ULBP1: variants seen among roughly 807,000 people sequenced by gnomAD.
The protein encoded by ULBP1 is UL16-binding protein 1.
Under a neutral mutation model 25.3 loss-of-function variants are expected in ULBP1, and 28 were observed. The observed-to-expected ratio is 1.10, with a 90% CI of 0.82 to 1.51. The LOEUF (loss-of-function observed/expected upper bound fraction) is 1.51, where lower values mean the gene tolerates loss of function less well. Among genes scored for constraint, ULBP1 ranks in the 40% most tolerant of loss-of-function variants. The pLI, the probability that ULBP1 is intolerant of heterozygous loss-of-function variation, is 0.00. For missense variants in ULBP1, 348 were observed against 290.9 expected (o/e 1.20, Z -1.43); for synonymous variants, 129 against 103.0 (o/e 1.25, Z -1.53).
chr6:149,966,212 TA>T (rs1779202780), intron 1 of ULBP1, among the ~76,000 whole-genome samples: 1 of 152,180 alleles, frequency 6.6e-6, no homozygotes, highest in Non-Finnish European at 1.5e-5. Context: ...TGTCCCTTTG[TA>T]GAGCAACAGC....
rs183961036 is a variant in ULBP1 at position 149,964,791 on chromosome 6, G to C, written c.85+657G>C. 2.2e-3 allele frequency among the ~76,000 whole-genome samples: 282 copies of C among 128,390 alleles called. 3 individuals carry two copies. Among genetic ancestry groups the C allele is most frequent in the Non-Finnish European group, 3.1e-3 (196 of 63,014 alleles). 84.2% of individuals were successfully genotyped at this position (128,390 alleles called of 152,430 possible). A position where few individuals can be genotyped will look rare whatever the true frequency, so the allele number is the denominator to read the frequency against. On this transcript the variant is annotated intron_variant, in intron 1 of 4. Coordinates refer to ENST00000229708, the MANE Select transcript of ULBP1 (RefSeq NM_025218.4). ...GAACATCGCGTTCTACCCCAACATC[G>C]CGATCCCTCCGAACATCGTGATCCC...
chr6:149,970,045 C>A lies in ULBP1; in HGVS notation c.655C>A (p.Gln219Lys), dbSNP rs530252244. ...KPPSLAPGTT[Q>K]PKAMATTLSP... ...ACCCTCTCTGGCCCCAGGCACAACC[C>A]AACCCAAGGCCATGGCCACCACCCT... The change falls in exon 4 of 5, where the codon CAA becomes AAA. Residue 219 changes from glutamine (Q) to lysine (K), a missense_variant. Physicochemically the swap from Gln to Lys is moderately conservative, Grantham distance 53. Transcript: ENST00000229708. The A allele has an allele frequency of 1.2e-6, 2 of 1,613,508 alleles. No individual in the cohort carries two copies. Among genetic ancestry groups the A allele is most frequent in the Admixed American group, 3.3e-5 (2 of 59,930 alleles).
At chr6:149,967,100 T>C (rs1401841027) in intron 1 of ULBP1, among the ~76,000 whole-genome samples, 1 of 152,198 alleles carries the variant, frequency 6.6e-6, no homozygotes, top group Non-Finnish European at 1.5e-5. Flanking sequence ...ACAAACACTA[T>C]CCATTCCCGG....
chr6:149,965,141 C>T (rs1224149709), intron 1 of ULBP1, among the ~76,000 whole-genome samples: 3 of 145,188 alleles, frequency 2.1e-5, no homozygotes, highest in Non-Finnish European at 4.4e-5. Flanking sequence ...GCGGTCTCCC[C>T]GAACATCGCG....
rs919272087 is a variant in ULBP1, at chr6:149,968,975, G to A, written c.349+105G>A. On this transcript the variant is annotated intron_variant, in intron 2 of 4. Coordinates refer to ENST00000229708, the MANE Select transcript of ULBP1 (RefSeq NM_025218.4). ...AAGTTTGTGTCACCCAAGAGGTTGA[G>A]GAGCATGGGCCGGATGCAGCAGAGA... 4 of 1,555,614 alleles carry A rather than the reference G, an allele frequency of 2.6e-6. No individual in the cohort carries two copies. In the African/African-American group the frequency reaches 5.5e-5, roughly 21 times the overall value.
chr6:149,964,153 C>G lies in ULBP1; in HGVS notation c.85+19C>G. 6.2e-7 allele frequency: 1 copy of G among 1,613,970 alleles called. No individual in the cohort carries two copies. Among genetic ancestry groups the G allele is most frequent in the Non-Finnish European group, 8.5e-7 (1 of 1,179,864 alleles). On this transcript the variant is annotated intron_variant, in intron 1 of 4. Transcript: ENST00000229708. Reference sequence around the variant, plus strand: ...TGGGTCGGTGAGTTCGGGGATGTAGCCTAAGCAGGGCGGGGGCCAAACCTG... The same window carrying G: ...TGGGTCGGTGAGTTCGGGGATGTAGGCTAAGCAGGGCGGGGGCCAAACCTG...
At position 149,969,432 on chromosome 6, in the gene ULBP1, CGTGT is replaced by C. The variant is rs148314777; in HGVS notation, c.625+83_625+86del. ...ATCAGCTGGTGTATGTGTGTGAGTG[CGTGT>C]GTGTGTGTGTTTGAGTGAGTATGAA... On this transcript the variant is annotated intron_variant, in intron 3 of 4. Coordinates refer to ENST00000229708, the MANE Select transcript of ULBP1 (RefSeq NM_025218.4). 3.9e-6 allele frequency: 6 copies of C among 1,549,662 alleles called. No homozygotes were observed. In the African/African-American group the frequency reaches 6.8e-5, roughly 18 times the overall value.
chr6:149,968,728 CA>C lies in ULBP1; in HGVS notation c.209del (p.Lys70ArgfsTer25). On this transcript the variant is annotated frameshift_variant, in exon 2 of 5. Coordinates refer to ENST00000229708, the MANE Select transcript of ULBP1 (RefSeq NM_025218.4). LOFTEE classifies it high-confidence loss of function. Reference sequence around the variant, plus strand: ...TTCTTCACTATGACTGTGTTAACCACAAGGCCAAAGCCTTTGCTTCTCTGGG... The same window carrying C: ...TTCTTCACTATGACTGTGTTAACCACAGGCCAAAGCCTTTGCTTCTCTGGG... The part of the protein sequence containing the change: ...PFLHYDCVNH[K>X]AKAFASLGKK... The C allele has an allele frequency of 6.2e-7, 1 of 1,614,248 alleles. No homozygotes were observed. The highest frequency in any genetic ancestry group is 8.5e-7 in the Non-Finnish European group (1 of 1,180,048).
intron 3 of ULBP1, 66 bp from the exon 4 acceptor site, chr6:149,969,950 C>T: frequency 6.5e-7 from 1 of 1,543,476 alleles, no homozygotes; most frequent in Non-Finnish European, 8.8e-7. Flanking sequence ...GTGGCAGGAG[C>T]TGAGGAGACA....
intron 1 of ULBP1, among the ~76,000 whole-genome samples, chr6:149,966,894 C>G (rs992848970): frequency 5.9e-5 from 9 of 152,176 alleles, no homozygotes; most frequent in Admixed American, 5.2e-4. Context: ...GCCATGAAAT[C>G]CACATAGCAC....
chr6:149,968,555 A>G, intron 1 of ULBP1, 52 bp from the exon 2 acceptor site: 1 of 1,566,366 alleles, frequency 6.4e-7, no homozygotes, highest in Non-Finnish European at 8.7e-7. Flanking sequence ...AGGAGGGGAT[A>G]CAGGTTCCAT....
intron 4 of ULBP1, among the ~76,000 whole-genome samples, chr6:149,970,859 G>A (rs536331427): frequency 2.6e-5 from 4 of 152,372 alleles, no homozygotes; most frequent in African/African-American, 9.6e-5. Context: ...CAGGGGAGCT[G>A]AGCTGCTGCT....
At position 149,970,119 on chromosome 6, in the gene ULBP1, C is replaced by G; in HGVS notation, c.729C>G (p.Gly243=). Residue 243 remains glycine (G), a synonymous_variant, in exon 4 of 5, where the codon GGC becomes GGG. Transcript: ENST00000229708. ...LIIFLCFILA[G]R ...TCTTCCTCTGCTTCATTCTAGCTGGCAGATGAGGAGAGTTGTTTAGAGTGA... is the reference window on the plus strand; with the variant it reads ...TCTTCCTCTGCTTCATTCTAGCTGGGAGATGAGGAGAGTTGTTTAGAGTGA... 6.2e-7 allele frequency: 1 copy of G among 1,606,688 alleles called. No homozygotes were observed. The highest frequency in any genetic ancestry group is 8.5e-7 in the Non-Finnish European group (1 of 1,176,474).
Position 149,970,022 on chromosome 6 carries a change from C to G in ULBP1, c.632C>G (p.Pro211Arg). 1 of 1,611,932 alleles carries G rather than the reference C, an allele frequency of 6.2e-7. No individual in the cohort carries two copies. The highest frequency in any genetic ancestry group is 1.1e-5 in the South Asian group (1 of 90,440). The change falls in exon 4 of 5, where the codon CCC (proline) becomes CGC (arginine). Residue 211 changes from proline to arginine, a missense_variant. Coordinates refer to ENST00000229708, the MANE Select transcript of ULBP1 (RefSeq NM_025218.4). ...WEQMLDPTKP[P>R]SLAPGTTQPK... ...TCCTGTGTTTCCATTTCAGAACCAC[C>G]CTCTCTGGCCCCAGGCACAACCCAA...
chr6:149,969,943 G>A lies in ULBP1; in HGVS notation c.626-73G>A. ...CTGCCTTCCAGGATGACCTGGGGTGGCAGGAGCTGAGGAGACATCCCCTAA... is the reference window on the plus strand; with the variant it reads ...CTGCCTTCCAGGATGACCTGGGGTGACAGGAGCTGAGGAGACATCCCCTAA... On this transcript the variant is annotated intron_variant, in intron 3 of 4. Coordinates refer to ENST00000229708, the MANE Select transcript of ULBP1 (RefSeq NM_025218.4). 3.3e-6 allele frequency: 5 copies of A among 1,526,092 alleles called. No individual in the cohort carries two copies. In the South Asian group the frequency reaches 5.0e-5, roughly 15 times the overall value. The allele number at this position is 1,526,092 out of a possible 1,614,324, so 94.5% of individuals were successfully genotyped here. A position where few individuals can be genotyped will look rare whatever the true frequency, so the allele number is the denominator to read the frequency against.
At position 149,972,500 on chromosome 6, in the gene ULBP1, G is replaced by C. The variant is rs994232149; in HGVS notation, c.*1154G>C. 6.6e-6 allele frequency: 1 copy of C among 152,080 alleles called. No homozygotes were observed. Among genetic ancestry groups the C allele is most frequent in the African/African-American group, 2.4e-5 (1 of 41,406 alleles). The allele number at this position is 152,080 out of a possible 1,614,324, so 9.4% of individuals were successfully genotyped here. On this transcript the variant is annotated 3_prime_UTR_variant, in exon 5 of 5. Transcript: ENST00000229708. ...AACAATTGCAACAAAAACAGAAATT[G>C]ACAAATGGGGCCTCATTAAACTAAA...
intron 1 of ULBP1, among the ~76,000 whole-genome samples, chr6:149,964,573 A>G (rs116029665): frequency 0.017 from 2,557 of 150,764 alleles, 76 homozygotes; most frequent in African/African-American, 0.058. Flanking sequence ...ATCTCCCCGA[A>G]CATCGCGGTC....
In ULBP1 at chr6:149,968,690, G is replaced by A; in HGVS notation, c.169G>A (p.Asp57Asn). ...GTGGTGTGAAGTTCAAGGCCTGGTG[G>A]ATGAAAGGCCTTTTCTTCACTATGA... is the stretch of plus-strand genomic sequence containing the variant. ...PQWCEVQGLV[D>N]ERPFLHYDCV... is the part of the protein sequence containing the mutation. Residue 57 changes from aspartate (D) to asparagine (N), a missense_variant, in exon 2 of 5, where the codon GAT becomes AAT. Physicochemically the swap from Asp to Asn is conservative, Grantham distance 23. Coordinates refer to ENST00000229708, the MANE Select transcript of ULBP1 (RefSeq NM_025218.4). The A allele has an allele frequency of 6.2e-7, 1 of 1,614,188 alleles. No homozygotes were observed.
At chr6:149,970,679 G>A (rs373261304) in intron 4 of ULBP1, among the ~76,000 whole-genome samples, 2 of 152,370 alleles carry the variant, frequency 1.3e-5, no homozygotes, top group African/African-American at 4.8e-5. Context: ...AGTTAAGGTG[G>A]AAGGTGAAGA....
Sources: allele counts gnomAD v4.1 joint callset (sites outside exome capture counted in the v4.1 genomes callset), GRCh38; gene constraint gnomAD v4.1.1; transcripts MANE v1.5; gene names NCBI Gene and HGNC (gene_info 2026-07-23, HGNC 2026-07-21).